Variants in EVI5 observed in about 807,000 individuals in gnomAD.
The protein encoded by EVI5 is ecotropic viral integration site 5.
In EVI5, 73 loss-of-function variants were observed where a neutral mutation model predicts 112.0. That is an observed-to-expected ratio of 0.65 (90% confidence interval 0.54 to 0.79). EVI5 has a LOEUF of 0.79. EVI5 is among the 30% of genes least tolerant of loss of function. The pLI, the probability that EVI5 is intolerant of heterozygous loss-of-function variation, is 0.00. For synonymous variants in EVI5, 305 were observed against 319.9 expected (o/e 0.95, Z 0.50); for missense variants, 900 against 968.8 (o/e 0.93, Z 0.94).
At chr1:92,702,713 G>C (rs1201351229) in intron 4 of EVI5, among the ~76,000 whole-genome samples, 1 of 151,678 alleles carries the variant, frequency 6.6e-6, no homozygotes, top group African/African-American at 2.4e-5. Flanking sequence ...GGCTGAGGCA[G>C]GAGAATTGCT....
intron 1 of EVI5, among the ~76,000 whole-genome samples, chr1:92,763,962 T>C (rs928699501): frequency 2.0e-5 from 3 of 152,060 alleles, no homozygotes; most frequent in Admixed American, 2.0e-4. Context: ...CAGAGGCAAA[T>C]GGAAGTTTAC....
At chr1:92,728,981 C>G in intron 2 of EVI5, among the ~76,000 whole-genome samples, 1 of 152,080 alleles carries the variant, frequency 6.6e-6, no homozygotes, top group East Asian at 1.9e-4. Flanking sequence ...TACTTAATAA[C>G]GGCCCCAAAC....
At position 92,736,562 on chromosome 1, in the gene EVI5, C is replaced by G. The variant is rs140717428; in HGVS notation, c.-16G>C. The G allele has an allele frequency of 6.2e-6, 10 of 1,613,756 alleles. No individual in the cohort carries two copies. The highest frequency in any genetic ancestry group is 7.6e-6 in the Non-Finnish European group (9 of 1,179,870). On this transcript the variant is annotated 5_prime_UTR_variant, in exon 2 of 20. Transcript: ENST00000684568. ...GACTGGCCATCTGACTGACTGTATG[C>G]GATACTGTGTTCTTCACCCATGAGA... is the stretch of plus-strand genomic sequence containing the variant.
chr1:92,534,596 G>A (rs1336345224), intron 19 of EVI5, among the ~76,000 whole-genome samples: 3 of 152,082 alleles, frequency 2.0e-5, no homozygotes, highest in Admixed American at 1.3e-4. Flanking sequence ...TAGACCAATG[G>A]AACAGAATAG....
chr1:92,561,589 ATCT>A (rs1411916171), intron 19 of EVI5, among the ~76,000 whole-genome samples: 169 of 149,794 alleles, frequency 1.1e-3, no homozygotes, highest in Admixed American at 2.5e-3. Flanking sequence ...CTATCTATCT[ATCT>A]ATCTATCTAA....
chr1:92,702,581 G>A (rs939953717), intron 4 of EVI5, among the ~76,000 whole-genome samples: 10 of 151,998 alleles, frequency 6.6e-5, no homozygotes, highest in African/African-American at 2.2e-4. Context: ...AGAGGCAGGC[G>A]GATCACCTGA....
chr1:92,564,644 C>A (rs1008403508), intron 18 of EVI5, among the ~76,000 whole-genome samples: 4 of 151,318 alleles, frequency 2.6e-5, no homozygotes, highest in Non-Finnish European at 4.4e-5. Flanking sequence ...TTTTCTTATA[C>A]CACCTGAAAA....
At chr1:92,729,958 T>G (rs1275949017) in intron 2 of EVI5, among the ~76,000 whole-genome samples, 1 of 152,176 alleles carries the variant, frequency 6.6e-6, no homozygotes, top group Non-Finnish European at 1.5e-5. Context: ...TCAATGTAAT[T>G]TGCCGTATTA....
intron 18 of EVI5, among the ~76,000 whole-genome samples, chr1:92,591,081 C>T (rs1009368957): frequency 4.6e-5 from 7 of 152,152 alleles, no homozygotes; most frequent in East Asian, 1.9e-4. Flanking sequence ...TTTGTCACCA[C>T]CAGGCCTGCC....
At chr1:92,554,415 G>A (rs1205255646) in intron 19 of EVI5, among the ~76,000 whole-genome samples, 1 of 152,056 alleles carries the variant, frequency 6.6e-6, no homozygotes, top group African/African-American at 2.4e-5. Flanking sequence ...TGTAACTTTG[G>A]GTAAGTCCCT....
chr1:92,602,510 T>C (rs1649394841), intron 18 of EVI5, among the ~76,000 whole-genome samples: 1 of 152,170 alleles, frequency 6.6e-6, no homozygotes, highest in African/African-American at 2.4e-5. Flanking sequence ...CAAGGGATCA[T>C]TCCACCTTAG....
chr1:92,539,435 T>C (rs6658734), intron 19 of EVI5, among the ~76,000 whole-genome samples: 129,206 of 150,658 alleles, frequency 0.86, 55,806 homozygotes, highest in East Asian at 0.97. Flanking sequence ...CCCAGCTACT[T>C]GGGAGGGTGA....
chr1:92,769,470 C>T (rs1242860096), intron 1 of EVI5, among the ~76,000 whole-genome samples: 1 of 152,198 alleles, frequency 6.6e-6, no homozygotes, highest in Non-Finnish European at 1.5e-5. Flanking sequence ...TTCCCTCCCT[C>T]CTCTCACGCC....
chr1:92,790,523 T>G (rs915247860), intron 1 of EVI5, among the ~76,000 whole-genome samples: 15 of 150,884 alleles, frequency 9.9e-5, no homozygotes, highest in African/African-American at 9.8e-5. Flanking sequence ...TTTTTTTTTT[T>G]GGTTTTTTTT....
chr1:92,763,259 C>T (rs1682146580), intron 1 of EVI5, among the ~76,000 whole-genome samples: 1 of 152,040 alleles, frequency 6.6e-6, no homozygotes, highest in African/African-American at 2.4e-5. Context: ...CAGAGTGAGA[C>T]TTTGTCTCAA....
intron 3 of EVI5, 63 bp from the exon 4 acceptor site, chr1:92,703,682 A>C: frequency 4.1e-6 from 4 of 972,916 alleles, no homozygotes; most frequent in Non-Finnish European, 6.1e-6. Flanking sequence ...AAGCCAAGGA[A>C]GACTTATTAG....
rs1571394115 is a variant in EVI5, at chr1:92,539,535, T to G, written c.2166+24107A>C. Reference sequence around the variant, plus strand: ...TGCAGCCTGGGCGACAGAGCTAGACTCCATCTCAAAAAAAAAAAAAAAAAA... The same window carrying G: ...TGCAGCCTGGGCGACAGAGCTAGACGCCATCTCAAAAAAAAAAAAAAAAAA... On this transcript the variant is annotated intron_variant, in intron 19 of 19. Transcript: ENST00000684568. 5.0e-5 allele frequency among the ~76,000 whole-genome samples: 4 copies of G among 79,768 alleles called. No individual in the cohort carries two copies. In the South Asian group the frequency reaches 1.7e-3, roughly 34 times the overall value. The allele number at this position is 79,768 out of a possible 152,430, so 52.3% of individuals were successfully genotyped here. A position where few individuals can be genotyped will look rare whatever the true frequency, so the allele number is the denominator to read the frequency against.
intron 2 of EVI5, chr1:92,732,451 T>C (rs1367703988): frequency 4.5e-6 from 1 of 220,468 alleles, no homozygotes; most frequent in Non-Finnish European, 9.0e-6. Flanking sequence ...TGAGGATATA[T>C]GCTGATGGAG....
chr1:92,777,269 T>C (rs1371410538), intron 1 of EVI5, among the ~76,000 whole-genome samples: 1 of 152,188 alleles, frequency 6.6e-6, no homozygotes, highest in Non-Finnish European at 1.5e-5. Context: ...AATTTTATTA[T>C]ATATTACAAA....
Sources: allele counts gnomAD v4.1 joint callset (sites outside exome capture counted in the v4.1 genomes callset), GRCh38; gene constraint gnomAD v4.1.1; transcripts MANE v1.5; gene names NCBI Gene and HGNC (gene_info 2026-07-23, HGNC 2026-07-21).